The following COL4A5 variants were observed in gnomAD, a reference collection of about 807,000 sequenced individuals.
COL4A5 encodes collagen alpha-5(IV) chain.
Under a neutral mutation model 130.2 loss-of-function variants are expected in COL4A5, and 26 were observed. The observed-to-expected ratio is 0.20, with a 90% CI of 0.15 to 0.28. The LOEUF (loss-of-function observed/expected upper bound fraction) is 0.28. Among genes scored for constraint, COL4A5 ranks in the 10% least tolerant of loss-of-function variants. The pLI is 1.00. For synonymous variants in COL4A5, 496 were observed against 439.6 expected, an observed-to-expected ratio of 1.13 and a Z score of -1.60; for missense variants, 1,131 against 1,344.3, an observed-to-expected ratio of 0.84 and a Z score of 2.48.
chrX:108,453,017 T>G (rs1026584656), intron 1 of COL4A5, among the ~76,000 whole-genome samples: 1 of 111,236 alleles, frequency 9.0e-6, no homozygotes, highest in Admixed American at 9.6e-5. Flanking sequence ...CCTAATTTAT[T>G]GAGAGTTTTT....
intron 1 of COL4A5, among the ~76,000 whole-genome samples, chrX:108,454,798 T>C (rs1455017977): frequency 9.1e-6 from 1 of 109,557 alleles, no homozygotes; most frequent in Non-Finnish European, 1.9e-5. Context: ...TATGATTTTA[T>C]CGAGACAAGG....
chrX:108,675,874 C>T (rs942833224), intron 43 of COL4A5, among the ~76,000 whole-genome samples: 2 of 111,917 alleles, frequency 1.8e-5, no homozygotes, highest in African/African-American at 3.2e-5. Flanking sequence ...TACATTGTAT[C>T]TCATTTAATC....
At chrX:108,620,131 A>G in intron 30 of COL4A5, 128 bp from the exon 31 acceptor site, 1 of 561,470 alleles carries the variant, frequency 1.8e-6, no homozygotes, top group Middle Eastern at 5.3e-4. Flanking sequence ...CATGATGTCA[A>G]AAGTATCTCT....
At chrX:108,652,571 AT>A (rs1201412797) in intron 36 of COL4A5, among the ~76,000 whole-genome samples, 1 of 112,389 alleles carries the variant, frequency 8.9e-6, no homozygotes, top group Non-Finnish European at 1.9e-5. Flanking sequence ...TTTTTTACCA[AT>A]AGATGTCTTC....
chrX:108,444,773 G>A (rs765672071), intron 1 of COL4A5, among the ~76,000 whole-genome samples: 224 of 111,756 alleles, frequency 2.0e-3, no homozygotes, highest in Middle Eastern at 0.014. Flanking sequence ...CAAAATCATG[G>A]ATTCATAATG....
In COL4A5 at chrX:108,461,066, A is replaced by G. The variant is rs781748315; in HGVS notation, c.81+20860A>G. Among the ~76,000 whole-genome samples the G allele has an allele frequency of 1.9e-3, 216 of 111,319 alleles. 1 individual carries two copies. Among genetic ancestry groups the G allele is most frequent in the Admixed American group, 8.7e-3 (91 of 10,430 alleles). ...ATTTGTGTATACTATATAATGGGAA[A>G]AAAAAGACTAATGTTGTAAATTAAC... On this transcript the variant is annotated intron_variant, in intron 1 of 52. Transcript: ENST00000328300.
chrX:108,519,150 A>G (rs1303957622), intron 1 of COL4A5, among the ~76,000 whole-genome samples: 3 of 111,265 alleles, frequency 2.7e-5, no homozygotes, highest in Non-Finnish European at 5.7e-5. Context: ...TAGGATATCA[A>G]TAAGGGGGTA....
chrX:108,466,110 G>A (rs778494882), intron 1 of COL4A5, among the ~76,000 whole-genome samples: 315 of 111,608 alleles, frequency 2.8e-3, no homozygotes, highest in African/African-American at 9.9e-3. Context: ...ATTTTGCATT[G>A]TATGGATATA....
At chrX:108,686,583 T>C (rs73636582) in intron 48 of COL4A5, among the ~76,000 whole-genome samples, 11,632 of 111,600 alleles carry the variant, frequency 0.1, 1,302 homozygotes, top group African/African-American at 0.34. Flanking sequence ...AGATGATAAA[T>C]TGATATTAGG....
chrX:108,448,256 A>T (rs1294963167), intron 1 of COL4A5, among the ~76,000 whole-genome samples: 2 of 112,512 alleles, frequency 1.8e-5, no homozygotes, highest in Non-Finnish European at 1.9e-5. Context: ...TAAATGTCAG[A>T]TGCTTACTAA....
intron 2 of COL4A5, among the ~76,000 whole-genome samples, chrX:108,543,613 ACTT>A (rs1341585587): frequency 9.0e-6 from 1 of 110,956 alleles, no homozygotes; most frequent in Non-Finnish European, 1.9e-5. Context: ...TTCCATATGA[ACTT>A]TAAAGTAGTT....
In COL4A5 at chrX:108,626,252, C is replaced by T; in HGVS notation, c.3149C>T (p.Pro1050Leu). The change falls in exon 36 of 53, where the codon CCT (proline) becomes CTT (leucine). Residue 1050 changes from proline to leucine, a missense_variant. Physicochemically the swap from Pro to Leu is moderately conservative, Grantham distance 98. Coordinates refer to ENST00000328300, the MANE Select transcript of COL4A5 (RefSeq NM_033380.3). ...GGGCCTCCTGGACCTTCTGGAGTTC[C>T]TGGACAACCTGGCTCCCCAGGATTA... ...VEGPPGPSGV[P>L]GQPGSPGLPG... is the part of the protein sequence containing the mutation. 1 of 1,210,354 alleles carries T rather than the reference C, an allele frequency of 8.3e-7. No homozygotes were observed. The highest frequency in any genetic ancestry group is 1.1e-6 in the Non-Finnish European group (1 of 894,664).
chrX:108,685,187 C>A (rs751729049), intron 47 of COL4A5, among the ~76,000 whole-genome samples: 1 of 111,808 alleles, frequency 8.9e-6, no homozygotes, highest in Non-Finnish European at 1.9e-5. Context: ...CCTTTGAAAA[C>A]GGCACAAGAC....
chrX:108,687,475 G>A lies in COL4A5; in HGVS notation c.4316-7G>A, dbSNP rs373423049. ...AATCTTGTATACTGATTATTTCGTG[G>A]AAATAGGTACCCGTGGTTTGGATGG... is the stretch of plus-strand genomic sequence containing the variant. On this transcript the variant is annotated splice_region_variant and splice_polypyrimidine_tract_variant and intron_variant, in intron 48 of 52. Transcript: ENST00000328300. 2 of 1,205,974 alleles carry A rather than the reference G, an allele frequency of 1.7e-6. No homozygotes were observed. Among genetic ancestry groups the A allele is most frequent in the African/African-American group, 3.5e-5 (2 of 57,007 alleles).
At chrX:108,516,765 C>T (rs751533156) in intron 1 of COL4A5, among the ~76,000 whole-genome samples, 6 of 111,578 alleles carry the variant, frequency 5.4e-5, no homozygotes, top group Non-Finnish European at 1.1e-4. Flanking sequence ...TTATGTTACT[C>T]ATGTTTTTTA....
In COL4A5 at chrX:108,599,386, A is replaced by G. The variant is rs1269254349; in HGVS notation, c.1948+516A>G. Among the ~76,000 whole-genome samples the G allele has an allele frequency of 4.5e-5, 5 of 110,846 alleles. No individual in the cohort carries two copies. The Admixed American group carries it at 4.8e-4, about 11-fold the overall frequency. On this transcript the variant is annotated intron_variant, in intron 25 of 52. Transcript: ENST00000328300. ...AGGAATCATAGGGTAAGTGTTTTTT[A>G]TATTAACTTTTCGTGTGGCTATAGT... is the stretch of plus-strand genomic sequence containing the variant.
chrX:108,481,055 A>G (rs7064429), intron 1 of COL4A5, among the ~76,000 whole-genome samples: 11,310 of 111,075 alleles, frequency 0.1, 1,242 homozygotes, highest in African/African-American at 0.33. Context: ...TATGCATTCC[A>G]GAACTGGGGA....
At chrX:108,695,161 C>A in intron 51 of COL4A5, 106 bp from the exon 52 acceptor site, 2 of 1,023,396 alleles carry the variant, frequency 2.0e-6, no homozygotes, top group Admixed American at 4.4e-5. Context: ...TGGGCCTGTT[C>A]CTTCACTAGA....
rs758392388 is a variant in COL4A5, at chrX:108,673,735, T to TATA, written c.3800-988_3800-986dup. On this transcript the variant is annotated intron_variant, in intron 42 of 52. Coordinates refer to ENST00000328300, the MANE Select transcript of COL4A5 (RefSeq NM_033380.3). ...CTTATTGCAAGTACTATAATAATAA[T>TATA]ATAATAATAATAATAATAATAATAG... Among the ~76,000 whole-genome samples, 332 of 106,278 alleles carry TATA rather than the reference T, an allele frequency of 3.1e-3. 1 individual carries two copies. The highest frequency in any genetic ancestry group is 8.6e-3 in the African/African-American group (254 of 29,454). The allele number at this position is 106,278 out of a possible 115,157, so 92.3% of individuals were successfully genotyped here. A position where few individuals can be genotyped will look rare whatever the true frequency, so the allele number is the denominator to read the frequency against.
Sources: allele counts gnomAD v4.1 joint callset (sites outside exome capture counted in the v4.1 genomes callset), GRCh38; gene constraint gnomAD v4.1.1; transcripts MANE v1.5; gene names NCBI Gene and HGNC (gene_info 2026-07-23, HGNC 2026-07-21).